The following PKP4 variants were observed in gnomAD, a reference collection of about 807,000 sequenced individuals.
PKP4 encodes plakophilin-4.
PKP4 carries 90 observed loss-of-function variants against 145.1 expected under a neutral mutation model. That is an observed-to-expected ratio of 0.62 (90% CI 0.52 to 0.74). The LOEUF (loss-of-function observed/expected upper bound fraction) is 0.74. Among genes scored for constraint, PKP4 ranks in the 30% least tolerant of loss-of-function variants. PKP4 has a pLI of 0.00. For missense variants in PKP4, 1,340 were observed against 1,482.7 expected (o/e 0.90, Z 1.58); for synonymous variants, 563 against 577.2 (o/e 0.98, Z 0.35).
At chr2:158,495,350 TAAA>T (rs60436493) in intron 1 of PKP4, among the ~76,000 whole-genome samples, 19 of 139,462 alleles carry the variant, frequency 1.4e-4, no homozygotes, top group East Asian at 4.2e-4. Context: ...TCTGGAGAGT[TAAA>T]AAAAAAAAAA....
chr2:158,623,145 A>G (rs967466800), intron 6 of PKP4, among the ~76,000 whole-genome samples: 7 of 152,056 alleles, frequency 4.6e-5, no homozygotes, highest in African/African-American at 9.7e-5. Context: ...TGTTACCACT[A>G]TTACCACCCA....
chr2:158,665,621 T>C (rs1308237639), intron 15 of PKP4, among the ~76,000 whole-genome samples: 2 of 152,172 alleles, frequency 1.3e-5, no homozygotes, highest in Non-Finnish European at 2.9e-5. Context: ...CAATTAAAGC[T>C]CAAAGCTGGA....
intron 1 of PKP4, among the ~76,000 whole-genome samples, chr2:158,500,977 C>T (rs1559230858): frequency 6.6e-6 from 1 of 152,104 alleles, no homozygotes; most frequent in Non-Finnish European, 1.5e-5. Flanking sequence ...TCTTATAGAG[C>T]AGTTACTTTG....
At chr2:158,667,327 C>A (rs995215331) in intron 16 of PKP4, among the ~76,000 whole-genome samples, 28 of 152,252 alleles carry the variant, frequency 1.8e-4, no homozygotes, top group Middle Eastern at 3.4e-3. Flanking sequence ...TATATAACCC[C>A]GTTCAGGCTC....
At chr2:158,665,821 A>C (rs1242025406) in intron 15 of PKP4, 2 of 152,240 alleles carry the variant, frequency 1.3e-5, no homozygotes, top group African/African-American at 4.8e-5. Context: ...TTGAGTGAGA[A>C]TGCATTTTGC....
At chr2:158,530,024 C>A (rs1304495948) in intron 1 of PKP4, among the ~76,000 whole-genome samples, 1 of 152,138 alleles carries the variant, frequency 6.6e-6, no homozygotes, top group South Asian at 2.1e-4. Context: ...TTGTTGAAGT[C>A]AGCAGTTGCC....
chr2:158,519,015 G>A (rs2042139693), intron 1 of PKP4, among the ~76,000 whole-genome samples: 1 of 151,984 alleles, frequency 6.6e-6, no homozygotes, highest in Non-Finnish European at 1.5e-5. Flanking sequence ...TCAGCTCTGG[G>A]AATTTTCATT....
intron 1 of PKP4, among the ~76,000 whole-genome samples, chr2:158,528,462 G>T (rs1482673725): frequency 5.3e-5 from 5 of 94,258 alleles, no homozygotes; most frequent in Non-Finnish European, 1.0e-4. Context: ...ACAGGAAGGG[G>T]AATATCACAC....
chr2:158,478,274 A>G (rs1692804476), intron 1 of PKP4, among the ~76,000 whole-genome samples: 1 of 151,834 alleles, frequency 6.6e-6, no homozygotes, highest in Admixed American at 6.6e-5. Context: ...AAGTAATTGT[A>G]TTAAGTTGTA....
At chr2:158,539,193 G>C (rs2044313019) in intron 2 of PKP4, among the ~76,000 whole-genome samples, 1 of 152,168 alleles carries the variant, frequency 6.6e-6, no homozygotes, top group Non-Finnish European at 1.5e-5. Context: ...ATGAGAGCCA[G>C]AGATCCTTAA....
chr2:158,507,891 C>T (rs558035996), intron 1 of PKP4, among the ~76,000 whole-genome samples: 1 of 152,136 alleles, frequency 6.6e-6, no homozygotes, highest in South Asian at 2.1e-4. Context: ...TGTTGCTCTC[C>T]GTGGTGAGCT....
intron 3 of PKP4, among the ~76,000 whole-genome samples, chr2:158,581,984 A>G (rs775440073): frequency 2.6e-5 from 4 of 152,226 alleles, no homozygotes; most frequent in African/African-American, 4.8e-5. Context: ...AATATATTAT[A>G]ATGAACTTTC....
chr2:158,654,965 C>G (rs1347361382), intron 11 of PKP4, among the ~76,000 whole-genome samples: 1 of 151,786 alleles, frequency 6.6e-6, no homozygotes, highest in Non-Finnish European at 1.5e-5. Context: ...ATAATACTTG[C>G]CTAATGAAAT....
chr2:158,534,953 G>T (rs892616883), intron 2 of PKP4, among the ~76,000 whole-genome samples: 1 of 152,036 alleles, frequency 6.6e-6, no homozygotes, highest in Non-Finnish European at 1.5e-5. Context: ...TAGTTTAGTG[G>T]GATGCTATAC....
At chr2:158,568,635 G>A (rs1301601484) in intron 2 of PKP4, among the ~76,000 whole-genome samples, 1 of 152,136 alleles carries the variant, frequency 6.6e-6, no homozygotes, top group Non-Finnish European at 1.5e-5. Flanking sequence ...TGTCAAGTGA[G>A]AGGCTGAAGA....
At chr2:158,591,703 T>G (rs1053109015) in intron 3 of PKP4, among the ~76,000 whole-genome samples, 1 of 152,126 alleles carries the variant, frequency 6.6e-6, no homozygotes, top group African/African-American at 2.4e-5. Flanking sequence ...TAATAAATAT[T>G]CTTTTTGAAA....
chr2:158,474,708 G>A (rs937950342), intron 1 of PKP4, among the ~76,000 whole-genome samples: 3 of 152,058 alleles, frequency 2.0e-5, no homozygotes, highest in Admixed American at 1.3e-4. Context: ...AGATAGGAGA[G>A]GAGGATCCAG....
At chr2:158,621,680 A>G (rs375571496) in intron 6 of PKP4, among the ~76,000 whole-genome samples, 26 of 151,484 alleles carry the variant, frequency 1.7e-4, no homozygotes, top group African/African-American at 6.1e-4. Context: ...CAGGAGGCAG[A>G]GCTTGCAGTG....
chr2:158,516,334 T>C lies in PKP4; in HGVS notation c.-5-16846T>C, dbSNP rs144117404. ...ATTACACTTTAAGTAACAAGATTCT[T>C]AGGGATTTTTTAAGAGGAACCATGT... On this transcript the variant is annotated intron_variant, in intron 1 of 21. Coordinates refer to ENST00000389759, the MANE Select transcript of PKP4 (RefSeq NM_003628.6). Among the ~76,000 whole-genome samples the C allele has an allele frequency of 4.8e-3, 732 of 152,270 alleles. 1 individual carries two copies. The highest frequency in any genetic ancestry group is 0.016 in the African/African-American group (669 of 41,560).
Sources: allele counts gnomAD v4.1 joint callset (sites outside exome capture counted in the v4.1 genomes callset), GRCh38; gene constraint gnomAD v4.1.1; transcripts MANE v1.5; gene names NCBI Gene and HGNC (gene_info 2026-07-23, HGNC 2026-07-21).